The following EIF2S3 variants were observed in gnomAD, a reference collection of about 807,000 sequenced individuals.
EIF2S3 encodes the protein eukaryotic translation initiation factor 2 subunit 3.
EIF2S3 carries 2 observed loss-of-function variants against 31.7 expected under a neutral mutation model. The ratio of observed to expected loss-of-function variants is 0.06; its 90% confidence interval spans 0.03 to 0.20. The LOEUF (loss-of-function observed/expected upper bound fraction) is 0.20, where lower values mean the gene tolerates loss of function less well. EIF2S3 is among the 10% of genes least tolerant of loss of function. The probability of loss-of-function intolerance (pLI) is 1.00; values close to 1 mark genes in which losing one functional copy is unlikely to be tolerated. For missense variants in EIF2S3, 96 were observed against 359.3 expected (o/e 0.27, Z 5.92); for synonymous variants, 120 against 126.7 (o/e 0.95, Z 0.36).
chrX:24,055,696 G>T lies in EIF2S3; in HGVS notation c.133+18G>T. 4 of 1,199,415 alleles carry T rather than the reference G, an allele frequency of 3.3e-6. No homozygotes were observed. Among genetic ancestry groups the T allele is most frequent in the Non-Finnish European group, 3.4e-6 (3 of 884,857 alleles). On this transcript the variant is annotated intron_variant, in intron 2 of 11. Transcript: ENST00000253039. The stretch of plus-strand genomic sequence containing the variant: ...TAACATAGGTAAGAGTAACTTAAGA[G>T]ACCTAACCTTGGTCTCCAACAATTA...
intron 5 of EIF2S3, 27 bp downstream of exon 5, chrX:24,060,209 A>C: frequency 1.8e-6 from 2 of 1,131,092 alleles, no homozygotes; most frequent in Non-Finnish European, 2.4e-6. Flanking sequence ...TGGTTTGGAC[A>C]AATCAATGTG....
intron 6 of EIF2S3, among the ~76,000 whole-genome samples, chrX:24,063,078 T>C (rs1169960591): frequency 9.0e-6 from 1 of 111,119 alleles, no homozygotes; most frequent in Non-Finnish European, 1.9e-5. Context: ...ACCCCATCTC[T>C]ACTAAAAATA....
Position 24,064,232 on chromosome X carries a change from A to G in EIF2S3, c.669A>G (p.Pro223=). The G allele has an allele frequency of 2.5e-6, 3 of 1,191,838 alleles. No individual in the cohort carries two copies. The highest frequency in any genetic ancestry group is 3.4e-6 in the Non-Finnish European group (3 of 887,851). The change falls in exon 7 of 12, where the codon CCA becomes CCG. Residue 223 remains proline, a synonymous_variant. Transcript: ENST00000253039. The part of the protein sequence containing the change: ...GTVAEGAPII[P]ISAQLKYNIE... Reference sequence around the variant, plus strand: ...TAGCAGAGGGAGCTCCCATTATTCCAATTTCAGCTCAGCTGAAATACAATA... The same window carrying G: ...TAGCAGAGGGAGCTCCCATTATTCCGATTTCAGCTCAGCTGAAATACAATA...
chrX:24,073,348 A>G, intron 11 of EIF2S3, 85 bp downstream of exon 11: 1 of 1,068,124 alleles, frequency 9.4e-7, no homozygotes, highest in Non-Finnish European at 1.3e-6. Flanking sequence ...TTCCTTGAGG[A>G]CAACAGTTAC....
chrX:24,061,644 C>T (rs1385634731), intron 5 of EIF2S3, among the ~76,000 whole-genome samples: 1 of 110,781 alleles, frequency 9.0e-6, no homozygotes, highest in African/African-American at 3.3e-5. Context: ...GGAGGTTGAT[C>T]ATTAGAGTGC....
chrX:24,069,896 G>T (rs1313512006), intron 9 of EIF2S3, among the ~76,000 whole-genome samples: 7 of 108,522 alleles, frequency 6.5e-5, no homozygotes, highest in African/African-American at 1.0e-4. Context: ...TCGCCATGTT[G>T]GCCAGGCTGG....
At position 24,060,360 on chromosome X, in the gene EIF2S3, A is replaced by C. The variant is rs949829404; in HGVS notation, c.478+178A>C. 7.2e-6 allele frequency: 3 copies of C among 418,770 alleles called. No homozygotes were observed. In the African/African-American group the frequency reaches 7.4e-5, roughly 10 times the overall value. 34.5% of individuals were successfully genotyped at this position (418,770 alleles called of 1,213,427 possible). A position where few individuals can be genotyped will look rare whatever the true frequency, so the allele number is the denominator to read the frequency against. On this transcript the variant is annotated intron_variant, in intron 5 of 11. Transcript: ENST00000253039. ...TATCAGCTATCACAAAATACTCAAA[A>C]AGATAGACTTGGGGCTGATAGCTTG... is the stretch of plus-strand genomic sequence containing the variant.
At chrX:24,072,483 G>T (rs1222134546) in intron 10 of EIF2S3, among the ~76,000 whole-genome samples, 1 of 110,158 alleles carries the variant, frequency 9.1e-6, no homozygotes, top group African/African-American at 3.3e-5. Flanking sequence ...GAGTTTTGCC[G>T]CATTACCCAG....
intron 8 of EIF2S3, among the ~76,000 whole-genome samples, chrX:24,066,939 C>T (rs1181141280): frequency 8.9e-6 from 1 of 112,185 alleles, no homozygotes; most frequent in Non-Finnish European, 1.9e-5. Context: ...AATATTGCTT[C>T]CCTTTCTGGT....
Position 24,057,619 on chromosome X carries a change from T to C in EIF2S3, c.262-14T>C. 2.5e-6 allele frequency: 3 copies of C among 1,208,498 alleles called. No individual in the cohort carries two copies. The highest frequency in any genetic ancestry group is 2.2e-6 in the Non-Finnish European group (2 of 894,717). On this transcript the variant is annotated splice_polypyrimidine_tract_variant and intron_variant, in intron 3 of 11. Transcript: ENST00000253039. ...CAGATAACAAATCAAAATCTTTTTT[T>C]ATTGAAATTTTAGATTTATAAGCTT...
intron 4 of EIF2S3, 134 bp from the exon 5 acceptor site, chrX:24,059,954 A>G: frequency 2.1e-6 from 1 of 468,831 alleles, no homozygotes; most frequent in East Asian, 3.7e-5. Flanking sequence ...TCCAAGTTCT[A>G]GAAACGACAA....
chrX:24,076,426 C>G (rs1051420626), intron 11 of EIF2S3, among the ~76,000 whole-genome samples: 29 of 111,055 alleles, frequency 2.6e-4, no homozygotes, highest in Admixed American at 2.3e-3. Context: ...CCCAGCTACT[C>G]GGGAGGCTGA....
In EIF2S3 at chrX:24,060,189, A is replaced by G; in HGVS notation, c.478+7A>G. On this transcript the variant is annotated splice_region_variant and intron_variant, in intron 5 of 11. Transcript: ENST00000253039. ...GCAGCTCTTCTGTTGATAGGTAAATACCTCACAATTGGTTTGGACAAATCA... is the reference window on the plus strand; with the variant it reads ...GCAGCTCTTCTGTTGATAGGTAAATGCCTCACAATTGGTTTGGACAAATCA... 2 of 1,186,437 alleles carry G rather than the reference A, an allele frequency of 1.7e-6. No individual in the cohort carries two copies. Among genetic ancestry groups the G allele is most frequent in the South Asian group, 3.5e-5 (2 of 56,382 alleles).
intron 5 of EIF2S3, among the ~76,000 whole-genome samples, chrX:24,061,064 T>G (rs1930484553): frequency 1.9e-5 from 2 of 105,610 alleles, no homozygotes; most frequent in Admixed American, 1.0e-4. Context: ...AAGACCAGCC[T>G]GGCCAACAGG....
At chrX:24,068,336 G>T (rs1324348484) in intron 9 of EIF2S3, among the ~76,000 whole-genome samples, 1 of 111,624 alleles carries the variant, frequency 9.0e-6, no homozygotes, top group African/African-American at 3.3e-5. Flanking sequence ...ATCAAATATA[G>T]AGTAACTCCT....
At chrX:24,067,073 T>G (rs186104525) in intron 8 of EIF2S3, among the ~76,000 whole-genome samples, 2,395 of 111,315 alleles carry the variant, frequency 0.022, 40 homozygotes, top group Non-Finnish European at 0.033. Context: ...AATAGTTTTT[T>G]TTTTGTTTTG....
intron 7 of EIF2S3, 46 bp from the exon 8 acceptor site, chrX:24,065,952 C>A: frequency 9.4e-7 from 1 of 1,069,446 alleles, no homozygotes; most frequent in Non-Finnish European, 1.3e-6. Context: ...AATATTTCTT[C>A]TAAAGTTAAG....
At chrX:24,069,900 A>C (rs1569279982) in intron 9 of EIF2S3, among the ~76,000 whole-genome samples, 1 of 109,019 alleles carries the variant, frequency 9.2e-6, no homozygotes, top group East Asian at 2.9e-4. Context: ...CATGTTGGCC[A>C]GGCTGGTCTC....
chrX:24,069,689 T>TC (rs1283405534), intron 9 of EIF2S3, among the ~76,000 whole-genome samples: 4 of 88,712 alleles, frequency 4.5e-5, no homozygotes, highest in African/African-American at 1.8e-4. Flanking sequence ...TTAATTTCTT[T>TC]TTTTTTTTTT....
Sources: gnomAD v4.1 joint callset for allele counts (sites outside exome capture counted in the v4.1 genomes callset) on GRCh38, gnomAD v4.1.1 for gene constraint, MANE v1.5 for transcripts, NCBI Gene and HGNC (gene_info 2026-07-23, HGNC 2026-07-21) for gene names.